The following GBF1 variants were observed in gnomAD, a reference collection of about 807,000 sequenced individuals.
GBF1 encodes golgi brefeldin A resistant guanine nucleotide exchange factor 1.
Under a neutral mutation model 210.5 loss-of-function variants are expected in GBF1, and 114 were observed. The ratio of observed to expected loss-of-function variants is 0.54; its 90% CI spans 0.47 to 0.63. The LOEUF is 0.63. GBF1 is among the 30% of genes least tolerant of loss of function. The probability of loss-of-function intolerance (pLI) is 0.00; values close to 1 mark genes in which losing one functional copy is unlikely to be tolerated. For missense variants in GBF1, 1,851 were observed against 2,357.7 expected, an observed-to-expected ratio of 0.79 and a Z score of 4.45; for synonymous variants, 850 against 889.2, an observed-to-expected ratio of 0.96 and a Z score of 0.78.
intron 4 of GBF1, among the ~76,000 whole-genome samples, chr10:102,350,276 G>A (rs897008847): frequency 2.0e-5 from 3 of 151,916 alleles, no homozygotes; most frequent in Non-Finnish European, 4.4e-5. Context: ...CTTGAACCTA[G>A]GAGACGGAGG....
In GBF1 at chr10:102,363,757, C is replaced by G. The variant is rs764472295; in HGVS notation, c.2065C>G (p.Pro689Ala). 6 of 1,612,778 alleles carry G rather than the reference C, an allele frequency of 3.7e-6. No individual in the cohort carries two copies. The highest frequency in any genetic ancestry group is 5.1e-6 in the Non-Finnish European group (6 of 1,178,938). Residue 689 changes from proline (P) to alanine (A), a missense_variant, in exon 17 of 40, where the codon CCA (proline) becomes GCA (alanine). Pro to Ala is a conservative substitution (Grantham distance 27). Transcript: ENST00000369983. The surrounding 1 kb of genome is among the most constrained non-coding windows in gnomAD (Gnocchi z 4.2). ...GCCACCCCGATTTTCCTGTCTCCTGCCAGATCCACGGGAACTAATTGAAAT... is the reference window on the plus strand; with the variant it reads ...GCCACCCCGATTTTCCTGTCTCCTGGCAGATCCACGGGAACTAATTGAAAT... ...RKPPRFSCLLPDPRELIEIKN... is the reference protein window; with the variant it reads ...RKPPRFSCLLADPRELIEIKN...
upstream of GBF1, among the ~76,000 whole-genome samples, chr10:102,240,800 GCT>G (rs2070515145): frequency 6.6e-6 from 1 of 152,242 alleles, no homozygotes; most frequent in Non-Finnish European, 1.5e-5. Flanking sequence ...TCGCGGCCGG[GCT>G]CTCACAACAC....
At chr10:102,365,659 C>T in intron 18 of GBF1, 60 bp downstream of exon 18, 2 of 1,438,356 alleles carry the variant, frequency 1.4e-6, no homozygotes, top group South Asian at 1.1e-5. Context: ...GCCTGTAATC[C>T]TGACACTTTG....
intron 14 of GBF1, among the ~76,000 whole-genome samples, chr10:102,362,150 G>A (rs1430540338): frequency 5.7e-5 from 8 of 140,134 alleles, no homozygotes; most frequent in African/African-American, 1.6e-4. Context: ...TCCACCTCCC[G>A]GGTTCACACC....
intron 1 of GBF1, among the ~76,000 whole-genome samples, chr10:102,249,458 G>C (rs1403475389): frequency 1.3e-5 from 2 of 152,146 alleles, no homozygotes; most frequent in African/African-American, 4.8e-5. Flanking sequence ...GAGGTACCCT[G>C]GTCACCCGAT....
chr10:102,370,103 C>A (rs2060122599), intron 26 of GBF1, 71 bp from the exon 27 acceptor site: 2 of 1,520,308 alleles, frequency 1.3e-6, no homozygotes, highest in Admixed American at 1.7e-5. Flanking sequence ...GCCCTCTCCC[C>A]CTGGCTCTTG....
chr10:102,377,394 C>T (rs992991942), intron 33 of GBF1, among the ~76,000 whole-genome samples: 2 of 151,772 alleles, frequency 1.3e-5, no homozygotes, highest in Admixed American at 1.3e-4. Flanking sequence ...CTCTCTGTCA[C>T]CCAGGCTGGA....
chr10:102,312,431 T>A (rs1189946806), intron 3 of GBF1, among the ~76,000 whole-genome samples: 1 of 152,208 alleles, frequency 6.6e-6, no homozygotes, highest in Non-Finnish European at 1.5e-5. Flanking sequence ...GTAGGTTGGT[T>A]GGCAAGCATT....
Position 102,381,123 on chromosome 10 carries a change from C to T in GBF1, c.5174-4C>T. On this transcript the variant is annotated splice_polypyrimidine_tract_variant and splice_region_variant and intron_variant, in intron 38 of 39. Coordinates refer to ENST00000369983, the MANE Select transcript of GBF1 (RefSeq NM_001377137.1). ...GTGCCATCTCAATTCTCTACCGTCT[C>T]CAGACCCCATGCCCATGGAGCCTCA... The T allele has an allele frequency of 6.2e-7, 1 of 1,613,726 alleles. No individual in the cohort carries two copies. The highest frequency in any genetic ancestry group is 8.5e-7 in the Non-Finnish European group (1 of 1,179,784).
Position 102,293,769 on chromosome 10 carries a change from G to GTTTTT in GBF1, c.163+33654_163+33655insTTTTT, listed in dbSNP as rs2076658017. Among the ~76,000 whole-genome samples the GTTTTT allele has an allele frequency of 1.4e-4, 4 of 27,770 alleles. 1 individual carries two copies. Among genetic ancestry groups the GTTTTT allele is most frequent in the South Asian group, 3.5e-3 (2 of 574 alleles). 18.2% of individuals were successfully genotyped at this position (27,770 alleles called of 152,430 possible). On this transcript the variant is annotated intron_variant, in intron 3 of 39. Transcript: ENST00000369983. ...ATTTTGTACAGCTGTAGTATGTTTTGTGTTTTTTTTTTTTTTTTTTTTTTT... is the reference window on the plus strand; with the variant it reads ...ATTTTGTACAGCTGTAGTATGTTTTGTTTTTTGTTTTTTTTTTTTTTTTTTTTTTT...
At chr10:102,309,995 A>G (rs1236638787) in intron 3 of GBF1, among the ~76,000 whole-genome samples, 2 of 152,234 alleles carry the variant, frequency 1.3e-5, no homozygotes, top group Non-Finnish European at 2.9e-5. Flanking sequence ...CTGTATTTTA[A>G]ACATATATAG....
At chr10:102,302,724 T>C (rs2077490528) in intron 3 of GBF1, among the ~76,000 whole-genome samples, 1 of 152,140 alleles carries the variant, frequency 6.6e-6, no homozygotes, top group South Asian at 2.1e-4. Flanking sequence ...CTGGGTGATT[T>C]TGCCCCCCAG....
chr10:102,361,946 A>G, intron 14 of GBF1, 34 bp downstream of exon 14: 1 of 1,374,594 alleles, frequency 7.3e-7, no homozygotes, highest in Non-Finnish European at 9.9e-7. Context: ...CTAGGAAAAA[A>G]CGCATTATAA....
intron 1 of GBF1, among the ~76,000 whole-genome samples, chr10:102,249,213 T>C (rs927301283): frequency 1.3e-5 from 2 of 152,236 alleles, no homozygotes; most frequent in African/African-American, 4.8e-5. Context: ...ACTGCAGTTC[T>C]CTATACATAA....
chr10:102,376,050 G>A (rs1399067566), intron 30 of GBF1, among the ~76,000 whole-genome samples: 1 of 151,968 alleles, frequency 6.6e-6, no homozygotes, highest in East Asian at 2.0e-4. Flanking sequence ...TGGTGCTACA[G>A]CTGCCACTAG....
intron 3 of GBF1, among the ~76,000 whole-genome samples, chr10:102,278,009 C>T (rs1023499476): frequency 1.3e-5 from 2 of 151,996 alleles, no homozygotes; most frequent in Non-Finnish European, 2.9e-5. Context: ...GTAATTCTAG[C>T]GTTTTGGGAG....
intron 9 of GBF1, 41 bp from the exon 10 acceptor site, chr10:102,358,465 C>G: frequency 1.4e-6 from 2 of 1,424,668 alleles, no homozygotes; most frequent in Non-Finnish European, 9.9e-7. Flanking sequence ...TGCCCACAGC[C>G]TCTTTCTTCT....
intron 3 of GBF1, among the ~76,000 whole-genome samples, chr10:102,319,735 T>TC (rs1301941291): frequency 6.7e-6 from 1 of 149,290 alleles, no homozygotes; most frequent in African/African-American, 2.4e-5. Flanking sequence ...TTTCTTTTTT[T>TC]TTTTTTTTTT....
intron 3 of GBF1, among the ~76,000 whole-genome samples, chr10:102,293,043 T>C (rs2076571187): frequency 6.6e-6 from 1 of 152,248 alleles, no homozygotes; most frequent in Non-Finnish European, 1.5e-5. Context: ...TAATATTGCA[T>C]GAATGTCAAG....
Sources: gnomAD v4.1 joint callset for allele counts (sites outside exome capture counted in the v4.1 genomes callset) on GRCh38, gnomAD v4.1.1 for gene constraint, Gnocchi (gnomAD v3.1) non-coding constraint, MANE v1.5 for transcripts, NCBI Gene and HGNC (gene_info 2026-07-23, HGNC 2026-07-21) for gene names.